The following LRIG1 variants were observed in gnomAD, a reference collection of about 807,000 sequenced individuals.
LRIG1 encodes leucine-rich repeats and immunoglobulin-like domains protein 1.
In LRIG1, 48 loss-of-function variants were observed where a neutral mutation model predicts 99.2. That is an observed-to-expected ratio of 0.48 (90% CI 0.38 to 0.62). The LOEUF (loss-of-function observed/expected upper bound fraction) is 0.62, where lower values mean the gene tolerates loss of function less well. LRIG1 is among the 20% of genes least tolerant of loss of function. LRIG1 has a pLI of 0.00. For synonymous variants in LRIG1, 772 were observed against 596.1 expected (o/e 1.29, Z -4.30); for missense variants, 1,646 against 1,434.4 (o/e 1.15, Z -2.38).
intron 3 of LRIG1, among the ~76,000 whole-genome samples, chr3:66,428,565 A>T (rs1334614105): frequency 6.6e-6 from 1 of 152,256 alleles, no homozygotes; most frequent in Non-Finnish European, 1.5e-5. Flanking sequence ...CACTTGTGCC[A>T]GGACCAATGC....
chr3:66,474,538 G>T (rs1700674992), intron 1 of LRIG1, among the ~76,000 whole-genome samples: 1 of 152,004 alleles, frequency 6.6e-6, no homozygotes, highest in African/African-American at 2.4e-5. Context: ...TAGAAACGGG[G>T]TTTCACCACA....
chr3:66,460,117 CTA>C (rs556500037), intron 2 of LRIG1, among the ~76,000 whole-genome samples: 21 of 152,230 alleles, frequency 1.4e-4, no homozygotes, highest in Admixed American at 1.4e-3. Flanking sequence ...AGTCCCAGCC[CTA>C]TCTGTGTCCT....
chr3:66,480,392 G>A (rs1354655882), intron 1 of LRIG1, among the ~76,000 whole-genome samples: 3 of 151,632 alleles, frequency 2.0e-5, no homozygotes, highest in African/African-American at 7.3e-5. Flanking sequence ...GCAAATCTAC[G>A]AATATACTAA....
Position 66,444,859 on chromosome 3 carries a change from C to A in LRIG1, c.365+6700G>T, listed in dbSNP as rs1435447719. ...TTGAAAACTCAGAAGAGGACCAGAA[C>A]TTTAGATAATTATATATATATATAT... On this transcript the variant is annotated intron_variant, in intron 3 of 18. Transcript: ENST00000273261. Among the ~76,000 whole-genome samples the A allele has an allele frequency of 2.5e-5, 3 of 122,078 alleles. No individual in the cohort carries two copies. In the East Asian group the frequency reaches 6.8e-4, roughly 28 times the overall value. 80.1% of individuals were successfully genotyped at this position (122,078 alleles called of 152,430 possible).
chr3:66,381,727 T>G (rs925641574), intron 16 of LRIG1, 96 bp from the exon 17 acceptor site: 2 of 1,422,580 alleles, frequency 1.4e-6, no homozygotes, highest in Non-Finnish European at 1.9e-6. Flanking sequence ...AACAGTCATT[T>G]TTTTTAAAAA....
At chr3:66,461,591 A>G (rs1700355517) in intron 2 of LRIG1, among the ~76,000 whole-genome samples, 1 of 152,230 alleles carries the variant, frequency 6.6e-6, no homozygotes, top group Non-Finnish European at 1.5e-5. Context: ...ATGTACATGT[A>G]ATAGTTTTCA....
chr3:66,445,762 G>A (rs1703695580), intron 3 of LRIG1, among the ~76,000 whole-genome samples: 1 of 152,230 alleles, frequency 6.6e-6, no homozygotes, highest in Non-Finnish European at 1.5e-5. Flanking sequence ...GCAGTGAAGA[G>A]AAGGACAAGA....
intron 1 of LRIG1, among the ~76,000 whole-genome samples, chr3:66,474,741 T>G (rs1308136835): frequency 2.0e-5 from 3 of 152,178 alleles, no homozygotes; most frequent in Non-Finnish European, 2.9e-5. Flanking sequence ...GGTCATTTAC[T>G]CACAAAGGAT....
intron 3 of LRIG1, among the ~76,000 whole-genome samples, chr3:66,450,441 G>A (rs986385747): frequency 2.6e-5 from 4 of 152,202 alleles, no homozygotes; most frequent in African/African-American, 9.6e-5. Context: ...GAGGTTCAGA[G>A]AGACTAGGTC....
chr3:66,473,784 C>T (rs547520525), intron 1 of LRIG1, among the ~76,000 whole-genome samples: 1 of 152,358 alleles, frequency 6.6e-6, no homozygotes, highest in Admixed American at 6.5e-5. Flanking sequence ...TTTAAAAGGT[C>T]AGCCGTCTGG....
At chr3:66,388,612 G>T (rs1034878372) in intron 12 of LRIG1, among the ~76,000 whole-genome samples, 2 of 151,938 alleles carry the variant, frequency 1.3e-5, no homozygotes, top group African/African-American at 4.8e-5. Flanking sequence ...CAAAAGAGGA[G>T]CAACTCATCA....
intron 1 of LRIG1, among the ~76,000 whole-genome samples, chr3:66,473,492 G>A (rs1427551384): frequency 6.6e-6 from 1 of 152,170 alleles, no homozygotes; most frequent in East Asian, 1.9e-4. Flanking sequence ...AATCTATAAA[G>A]CTCATATAAA....
intron 1 of LRIG1, among the ~76,000 whole-genome samples, chr3:66,481,903 G>C (rs980869934): frequency 1.3e-5 from 2 of 152,250 alleles, no homozygotes; most frequent in African/African-American, 4.8e-5. Flanking sequence ...GGGCTCGCTT[G>C]CAGAAGGGAA....
At chr3:66,500,059 C>G (rs1701320695) in intron 1 of LRIG1, 131 bp downstream of exon 1, 3 of 660,340 alleles carry the variant, frequency 4.5e-6, no homozygotes, top group South Asian at 2.2e-5. Context: ...AGTCTTCCAA[C>G]ACGCACAAGC....
intron 5 of LRIG1, 59 bp downstream of exon 5, chr3:66,414,861 A>C: frequency 6.8e-7 from 1 of 1,472,504 alleles, no homozygotes; most frequent in Non-Finnish European, 9.1e-7. Context: ...GTCCTTGGGG[A>C]AATCTGGCCT....
At chr3:66,417,057 T>C in intron 4 of LRIG1, 72 bp downstream of exon 4, 4 of 1,579,766 alleles carry the variant, frequency 2.5e-6, no homozygotes, top group South Asian at 1.1e-5. Context: ...CATCCAGAAC[T>C]GGGTGCCGGT....
At chr3:66,456,310 T>G (rs986550625) in intron 2 of LRIG1, among the ~76,000 whole-genome samples, 1 of 152,132 alleles carries the variant, frequency 6.6e-6, no homozygotes. Flanking sequence ...GGACCAGGCA[T>G]GGTGGCTCAC....
intron 3 of LRIG1, among the ~76,000 whole-genome samples, chr3:66,418,714 G>C (rs1465598195): frequency 6.6e-6 from 1 of 152,174 alleles, no homozygotes; most frequent in Non-Finnish European, 1.5e-5. Context: ...TTACCAAGTG[G>C]CATCTCCTTT....
intron 12 of LRIG1, among the ~76,000 whole-genome samples, chr3:66,391,271 G>A (rs766895042): frequency 2.0e-5 from 3 of 152,182 alleles, no homozygotes; most frequent in South Asian, 2.1e-4. Context: ...CAAAAAAGCT[G>A]AGCACAGAGT....
Sources: gnomAD v4.1 joint callset for allele counts (sites outside exome capture counted in the v4.1 genomes callset) on GRCh38, gnomAD v4.1.1 for gene constraint, MANE v1.5 for transcripts, NCBI Gene and HGNC (gene_info 2026-07-23, HGNC 2026-07-21) for gene names.